MYO16: variants seen among roughly 807,000 people sequenced by gnomAD.
The protein encoded by MYO16 is unconventional myosin-XVI.
MYO16 carries 94 observed loss-of-function variants against 205.3 expected under a neutral mutation model. The ratio of observed to expected loss-of-function variants is 0.46; its 90% CI spans 0.39 to 0.54. MYO16 has a LOEUF of 0.54. Ranked by LOEUF, MYO16 falls within the 20% of genes least tolerant of loss-of-function variation. The pLI, the probability that MYO16 is intolerant of heterozygous loss-of-function variation, is 0.00. For missense variants in MYO16, 2,315 were observed against 2,387.5 expected (o/e 0.97, Z 0.63); for synonymous variants, 988 against 954.0 (o/e 1.04, Z -0.66).
chr13:109,151,163 A>T (rs1465656027), intron 32 of MYO16, among the ~76,000 whole-genome samples: 1 of 152,186 alleles, frequency 6.6e-6, no homozygotes, highest in East Asian at 1.9e-4. Context: ...AGATTAGCCT[A>T]CAAAATTTCA....
At chr13:108,981,797 A>G (rs1038293882) in intron 20 of MYO16, among the ~76,000 whole-genome samples, 1 of 152,230 alleles carries the variant, frequency 6.6e-6, no homozygotes, top group Non-Finnish European at 1.5e-5. Flanking sequence ...GACTTGCTAC[A>G]AGTCTCTAAT....
chr13:109,063,615 G>T (rs1000927704), intron 27 of MYO16, among the ~76,000 whole-genome samples: 3 of 152,156 alleles, frequency 2.0e-5, no homozygotes, highest in African/African-American at 7.2e-5. Flanking sequence ...CTCCAGAACT[G>T]TGAGAAATAG....
chr13:108,727,277 T>G (rs2139583676), intron 3 of MYO16, among the ~76,000 whole-genome samples, 163 bp from the exon 4 acceptor site: 1 of 152,276 alleles, frequency 6.6e-6, no homozygotes, highest in African/African-American at 2.4e-5. Flanking sequence ...CGTATGTTCT[T>G]TTCCTTGTTG....
At position 109,055,311 on chromosome 13, in the gene MYO16, CTT is replaced by C. The variant is rs1887381012; in HGVS notation, c.3130-75_3130-74del. ...ATAATGAGATTTAAAGACGTAAAGA[CTT>C]TTTATTTAAAAACTGCTTTATATTT... On this transcript the variant is annotated intron_variant, in intron 26 of 34. Transcript: ENST00000457511. This position sits in a 1 kb window ranked among gnomAD's most constrained non-coding sequence, Gnocchi z 5.0. The C allele has an allele frequency of 8.1e-7, 1 of 1,239,832 alleles. No individual in the cohort carries two copies. Among genetic ancestry groups the C allele is most frequent in the Non-Finnish European group, 1.1e-6 (1 of 883,414 alleles). 76.8% of individuals were successfully genotyped at this position (1,239,832 alleles called of 1,614,324 possible). A position where few individuals can be genotyped will look rare whatever the true frequency, so the allele number is the denominator to read the frequency against.
At chr13:108,930,720 G>T (rs1020661635) in intron 16 of MYO16, among the ~76,000 whole-genome samples, 2 of 151,074 alleles carry the variant, frequency 1.3e-5, no homozygotes, top group Admixed American at 6.6e-5. Context: ...CATAAGAAAA[G>T]AAATGAAATG....
At chr13:108,895,492 C>T (rs552317089) in intron 14 of MYO16, among the ~76,000 whole-genome samples, 3 of 152,280 alleles carry the variant, frequency 2.0e-5, no homozygotes, top group South Asian at 2.1e-4. Flanking sequence ...TGGATGACAA[C>T]GTACAGTGAA....
chr13:109,136,055 CTCCTTCCT>C (rs369392215), intron 31 of MYO16, among the ~76,000 whole-genome samples: 1 of 150,870 alleles, frequency 6.6e-6, no homozygotes, highest in African/African-American at 2.4e-5. Flanking sequence ...TTCTTTCTTT[CTCCTTCCT>C]TCCTTCCTTC....
chr13:108,669,155 A>G (rs943920272), intron 2 of MYO16, among the ~76,000 whole-genome samples: 1 of 152,118 alleles, frequency 6.6e-6, no homozygotes, highest in Non-Finnish European at 1.5e-5. Context: ...GAATTCCAAT[A>G]TTAATAATTC....
chr13:108,648,046 G>A (rs937475667), intron 1 of MYO16, among the ~76,000 whole-genome samples: 2 of 152,180 alleles, frequency 1.3e-5, no homozygotes, highest in African/African-American at 2.4e-5. Context: ...AGAGGGAAAG[G>A]AAGAATACTG....
In MYO16 at chr13:108,879,831, C is replaced by A. The variant is rs146291543; in HGVS notation, c.1426-3228C>A. 2.0e-3 allele frequency among the ~76,000 whole-genome samples: 301 copies of A among 152,166 alleles called. 2 individuals carry two copies. Among genetic ancestry groups the A allele is most frequent in the African/African-American group, 7.1e-3 (295 of 41,542 alleles). ...GTGCCGCAATAAACATACATGTGCA[C>A]GTAACTTTATAGCAGTATGATTTAT... On this transcript the variant is annotated intron_variant, in intron 12 of 34. Transcript: ENST00000457511.
intron 16 of MYO16, among the ~76,000 whole-genome samples, chr13:108,924,759 GACTC>G (rs1392720730): frequency 1.3e-5 from 2 of 152,118 alleles, no homozygotes; most frequent in African/African-American, 4.8e-5. Context: ...ATGGCATGGC[GACTC>G]ACTCCTGACG....
the MYO16 span, among the ~76,000 whole-genome samples, chr13:108,567,896 A>G: frequency 1.3e-5 from 2 of 152,082 alleles, no homozygotes; most frequent in South Asian, 4.2e-4. Context: ...CCATGAATAC[A>G]TTTTTCGGTC....
intron 3 of MYO16, among the ~76,000 whole-genome samples, chr13:108,726,483 T>A (rs2139581704): frequency 6.6e-6 from 1 of 150,680 alleles, no homozygotes; most frequent in South Asian, 2.1e-4. Context: ...TACTTGAACC[T>A]GGGAAGTGGA....
intron 2 of MYO16, among the ~76,000 whole-genome samples, chr13:108,683,911 C>G (rs1477832184): frequency 6.6e-6 from 1 of 152,140 alleles, no homozygotes; most frequent in Non-Finnish European, 1.5e-5. Context: ...CAGTCTCGCT[C>G]TGTCGCCAGG....
At chr13:108,868,436 G>A (rs1207513326) in intron 12 of MYO16, among the ~76,000 whole-genome samples, 4 of 152,078 alleles carry the variant, frequency 2.6e-5, no homozygotes, top group African/African-American at 9.7e-5. Context: ...TTCGTGATGC[G>A]TGTATTTCAG....
In MYO16 at chr13:108,769,675, A is replaced by G. The variant is rs368245813; in HGVS notation, c.508-15960A>G. On this transcript the variant is annotated intron_variant, in intron 4 of 34. Coordinates refer to ENST00000457511, the MANE Select transcript of MYO16 (RefSeq NM_001198950.3). ...CAAGACCGGGTGGTTCTGGAATAAC[A>G]GATTAGAAAGACAGTTGGTGAGAAT... Among the ~76,000 whole-genome samples, 4 of 152,290 alleles carry G rather than the reference A, an allele frequency of 2.6e-5. No homozygotes were observed. The East Asian group carries it at 5.8e-4, about 22-fold the overall frequency.
At chr13:108,796,826 G>C (rs1256290383) in intron 6 of MYO16, among the ~76,000 whole-genome samples, 1 of 148,522 alleles carries the variant, frequency 6.7e-6, no homozygotes, top group Non-Finnish European at 1.5e-5. Flanking sequence ...AAAATGACGA[G>C]TTAATGGGTG....
intron 20 of MYO16, among the ~76,000 whole-genome samples, chr13:108,983,499 A>G (rs1379093400): frequency 6.6e-6 from 1 of 152,248 alleles, no homozygotes; most frequent in Non-Finnish European, 1.5e-5. Context: ...AACGTAAGAT[A>G]AAGAGTAGCC....
At chr13:108,812,683 TTG>T (rs1417042676) in intron 7 of MYO16, among the ~76,000 whole-genome samples, 2 of 152,074 alleles carry the variant, frequency 1.3e-5, no homozygotes, top group Non-Finnish European at 2.9e-5. Flanking sequence ...TCCCCAAAAT[TTG>T]TGTGTTTCAA....
Sources: gnomAD v4.1 joint callset for allele counts (sites outside exome capture counted in the v4.1 genomes callset) on GRCh38, gnomAD v4.1.1 for gene constraint, Gnocchi (gnomAD v3.1) non-coding constraint, MANE v1.5 for transcripts, NCBI Gene and HGNC (gene_info 2026-07-23, HGNC 2026-07-21) for gene names.